The following VPS8 variants were observed in gnomAD, a reference collection of about 807,000 sequenced individuals.
The protein encoded by VPS8 is vacuolar protein sorting-associated protein 8 homolog.
A neutral mutation model predicts 216.4 loss-of-function variants in VPS8; 129 were observed. That is an observed-to-expected ratio of 0.60 (90% CI 0.52 to 0.69). VPS8 has a LOEUF of 0.69. VPS8 is among the 30% of genes least tolerant of loss of function. VPS8 has a pLI of 0.00. For missense variants in VPS8, 1,531 were observed against 1,683.5 expected (o/e 0.91, Z 1.59); for synonymous variants, 571 against 565.4 (o/e 1.01, Z -0.14).
At chr3:184,993,400 C>G (rs1300585043) in intron 42 of VPS8, among the ~76,000 whole-genome samples, 1 of 151,284 alleles carries the variant, frequency 6.6e-6, no homozygotes, top group African/African-American at 2.4e-5. Context: ...CCAAAATGCA[C>G]ATAATAAACA....
At position 184,921,714 on chromosome 3, in the gene VPS8, C is replaced by T. The variant is rs1396691979; in HGVS notation, c.2454+1516C>T. 2.6e-5 allele frequency among the ~76,000 whole-genome samples: 4 copies of T among 152,212 alleles called. No individual in the cohort carries two copies. In the East Asian group the frequency reaches 7.7e-4, roughly 29 times the overall value. ...GAGTAGCTGCGATTAGAGGCACCTG[C>T]CACCACACCCAGCTAATTTTTGTAT... is the stretch of plus-strand genomic sequence containing the variant. On this transcript the variant is annotated intron_variant, in intron 29 of 47. Coordinates refer to ENST00000625842, the MANE Select transcript of VPS8 (RefSeq NM_001009921.3).
intron 22 of VPS8, 82 bp from the exon 23 acceptor site, chr3:184,894,621 A>G: frequency 9.3e-7 from 1 of 1,074,878 alleles, no homozygotes; most frequent in Non-Finnish European, 1.3e-6. Context: ...AGTAGGGAAA[A>G]GATGAGATAT....
intron 33 of VPS8, among the ~76,000 whole-genome samples, chr3:184,929,882 A>G (rs896609820): frequency 1.6e-4 from 25 of 152,240 alleles, no homozygotes; most frequent in African/African-American, 6.0e-4. Context: ...GATAAATGCT[A>G]GGGAAGAGAA....
intron 46 of VPS8, among the ~76,000 whole-genome samples, chr3:185,031,327 G>A (rs949580026): frequency 1.3e-5 from 2 of 152,102 alleles, no homozygotes; most frequent in African/African-American, 4.8e-5. Context: ...CTGCAAAGAT[G>A]CGAGTTCTCA....
intron 28 of VPS8, among the ~76,000 whole-genome samples, chr3:184,918,558 G>A (rs1225909661): frequency 1.3e-5 from 2 of 152,052 alleles, no homozygotes; most frequent in African/African-American, 2.4e-5. Context: ...TTCACACTGT[G>A]GTATATCACC....
intron 34 of VPS8, among the ~76,000 whole-genome samples, chr3:184,935,417 C>CACAATCT (rs1741429131): frequency 6.6e-6 from 1 of 152,132 alleles, no homozygotes; most frequent in Non-Finnish European, 1.5e-5. Context: ...TATGAATCTA[C>CACAATCT]AAGTACTACC....
At chr3:185,018,923 GAA>G (rs1251615671) in intron 45 of VPS8, among the ~76,000 whole-genome samples, 1 of 152,190 alleles carries the variant, frequency 6.6e-6, no homozygotes. Context: ...CTCTGGAAAA[GAA>G]AGATCTGGAG....
At position 184,920,126 on chromosome 3, in the gene VPS8, G is replaced by T; in HGVS notation, c.2383-1G>T. On this transcript the variant is annotated splice_acceptor_variant, in intron 28 of 47. Coordinates refer to ENST00000625842, the MANE Select transcript of VPS8 (RefSeq NM_001009921.3). LOFTEE classifies it high-confidence loss of function. ...TTAAAAAATTTATTTCTCCCTTTTA[G>T]ACTTTTGAAGATTTTAAAAATGACA... is the stretch of plus-strand genomic sequence containing the variant. 1 of 1,516,924 alleles carries T rather than the reference G, an allele frequency of 6.6e-7. No homozygotes were observed. The highest frequency in any genetic ancestry group is 8.8e-7 in the Non-Finnish European group (1 of 1,133,634). 94.0% of individuals were successfully genotyped at this position (1,516,924 alleles called of 1,614,324 possible). A position where few individuals can be genotyped will look rare whatever the true frequency, so the allele number is the denominator to read the frequency against.
At chr3:185,028,884 G>A (rs766212208) in intron 46 of VPS8, among the ~76,000 whole-genome samples, 2 of 152,114 alleles carry the variant, frequency 1.3e-5, no homozygotes, top group Non-Finnish European at 2.9e-5. Context: ...GTAGTCACTC[G>A]GTCGTTGTTG....
chr3:184,865,113 A>G (rs1402379483), intron 16 of VPS8, among the ~76,000 whole-genome samples: 1 of 152,224 alleles, frequency 6.6e-6, no homozygotes, highest in Non-Finnish European at 1.5e-5. Flanking sequence ...ATACAACAAT[A>G]GAAATTATAC....
At chr3:184,845,330 T>A (rs2108623395) in intron 8 of VPS8, among the ~76,000 whole-genome samples, 2 of 152,340 alleles carry the variant, frequency 1.3e-5, no homozygotes, top group South Asian at 4.1e-4. Flanking sequence ...GACTACAGAA[T>A]GTTTAGTTAC....
chr3:184,814,817 A>G (rs963764824), intron 1 of VPS8, among the ~76,000 whole-genome samples: 4 of 152,168 alleles, frequency 2.6e-5, no homozygotes, highest in African/African-American at 4.8e-5. Context: ...TCTTTCTCCA[A>G]TAATAAATTA....
At chr3:184,962,629 A>C (rs1746713339) in intron 37 of VPS8, among the ~76,000 whole-genome samples, 1 of 151,370 alleles carries the variant, frequency 6.6e-6, no homozygotes, top group Non-Finnish European at 1.5e-5. Context: ...TGCTAATTTT[A>C]TGTGTTGGAG....
At chr3:185,005,647 T>G (rs1305935209) in intron 45 of VPS8, among the ~76,000 whole-genome samples, 1 of 151,788 alleles carries the variant, frequency 6.6e-6, no homozygotes, top group East Asian at 1.9e-4. Flanking sequence ...ATTTATTTAT[T>G]TATTTATTCT....
chr3:184,962,999 A>G (rs1049715670), intron 37 of VPS8, among the ~76,000 whole-genome samples: 1 of 152,066 alleles, frequency 6.6e-6, no homozygotes, highest in African/African-American at 2.4e-5. Context: ...TCCCAAATAT[A>G]CATGACTCTG....
intron 32 of VPS8, among the ~76,000 whole-genome samples, chr3:184,928,755 T>C (rs1018867941): frequency 6.6e-6 from 1 of 152,220 alleles, no homozygotes; most frequent in African/African-American, 2.4e-5. Flanking sequence ...TTTATATAAT[T>C]GTTTAAACAT....
chr3:184,867,957 A>T, intron 17 of VPS8, 67 bp from the exon 18 acceptor site: 1 of 1,546,956 alleles, frequency 6.5e-7, no homozygotes, highest in Non-Finnish European at 8.9e-7. Context: ...TGGGACTAGG[A>T]CAAATGTATC....
intron 42 of VPS8, among the ~76,000 whole-genome samples, chr3:184,990,938 T>C (rs1295844209): frequency 2.2e-5 from 3 of 138,972 alleles, no homozygotes; most frequent in Non-Finnish European, 3.2e-5. Flanking sequence ...TTTTTTTTTT[T>C]CCATGAATAT....
At chr3:185,027,068 A>G (rs1390211446) in intron 46 of VPS8, among the ~76,000 whole-genome samples, 8 of 151,848 alleles carry the variant, frequency 5.3e-5, no homozygotes, top group African/African-American at 1.7e-4. Context: ...AAGAAATACA[A>G]TCCTGTTCTC....
Sources: gnomAD v4.1 joint callset for allele counts (sites outside exome capture counted in the v4.1 genomes callset) on GRCh38, gnomAD v4.1.1 for gene constraint, MANE v1.5 for transcripts, NCBI Gene and HGNC (gene_info 2026-07-23, HGNC 2026-07-21) for gene names.